Variants in SLC12A8 observed in about 807,000 individuals in gnomAD.
SLC12A8 encodes the protein cation-chloride cotransporter 9.
A neutral mutation model predicts 75.6 loss-of-function variants in SLC12A8; 69 were observed. The observed-to-expected ratio is 0.91, with a 90% CI of 0.75 to 1.11. SLC12A8 has a LOEUF of 1.11. SLC12A8 is among the 50% of genes most tolerant of loss of function. The pLI is 0.00. For synonymous variants in SLC12A8, 365 were observed against 372.8 expected, an observed-to-expected ratio of 0.98 and a Z score of 0.24; for missense variants, 877 against 896.7, an observed-to-expected ratio of 0.98 and a Z score of 0.28.
intron 3 of SLC12A8, among the ~76,000 whole-genome samples, chr3:125,189,802 T>C (rs890424689): frequency 6.6e-6 from 1 of 152,130 alleles, no homozygotes; most frequent in Non-Finnish European, 1.5e-5. Context: ...GCTTGGAAGG[T>C]CCTAGGATGC....
intron 5 of SLC12A8, among the ~76,000 whole-genome samples, chr3:125,155,965 C>T (rs9866321): frequency 6.6e-6 from 1 of 151,928 alleles, no homozygotes; most frequent in Non-Finnish European, 1.5e-5. Flanking sequence ...ACCGTATGCT[C>T]AGGGTGAAAG....
At chr3:125,132,032 C>G (rs1395966900) in intron 6 of SLC12A8, among the ~76,000 whole-genome samples, 7 of 152,158 alleles carry the variant, frequency 4.6e-5, no homozygotes. Context: ...AGAGGCAGCA[C>G]AAACCTGAAA....
chr3:125,179,723 GA>G (rs1934611897), intron 4 of SLC12A8, among the ~76,000 whole-genome samples: 1 of 151,720 alleles, frequency 6.6e-6, no homozygotes, highest in African/African-American at 2.4e-5. Flanking sequence ...GAGAGAGAGA[GA>G]GAGAGAGAAA....
intron 13 of SLC12A8, 160 bp downstream of exon 13, chr3:125,088,150 T>C: frequency 1.6e-6 from 1 of 630,824 alleles, no homozygotes; most frequent in East Asian, 2.8e-5. Context: ...TGTGGTGGAG[T>C]GCACGCAGGA....
intron 6 of SLC12A8, among the ~76,000 whole-genome samples, chr3:125,129,064 C>T (rs1280178959): frequency 6.6e-6 from 1 of 152,226 alleles, no homozygotes; most frequent in African/African-American, 2.4e-5. Context: ...TCAGTAAAGG[C>T]TGTAGGTTTC....
At chr3:125,150,070 T>C (rs565854135) in intron 5 of SLC12A8, among the ~76,000 whole-genome samples, 1 of 152,340 alleles carries the variant, frequency 6.6e-6, no homozygotes, top group East Asian at 1.9e-4. Context: ...CTTATTTACA[T>C]ACAATTTTGC....
chr3:125,151,683 C>T (rs1031772314), intron 5 of SLC12A8: 2 of 152,238 alleles, frequency 1.3e-5, no homozygotes, highest in Non-Finnish European at 2.9e-5. Flanking sequence ...AGGATGACCA[C>T]GATAACAAGA....
At chr3:125,120,004 T>TG (rs1337770046) in intron 7 of SLC12A8, 2 of 416,334 alleles carry the variant, frequency 4.8e-6, no homozygotes, top group Non-Finnish European at 9.7e-6. Flanking sequence ...CCTGACGGCC[T>TG]GGGGGAGCTG....
chr3:125,160,821 T>C (rs1278539557), intron 5 of SLC12A8, among the ~76,000 whole-genome samples: 1 of 148,144 alleles, frequency 6.8e-6, no homozygotes, highest in African/African-American at 2.5e-5. Flanking sequence ...GGTGGTCACA[T>C]GGGACTCGGA....
chr3:125,083,891 T>C lies in SLC12A8; in HGVS notation c.2144A>G (p.Ter715TrpextTer30), dbSNP rs1291632768. ...VNREQLMPHY* is the reference protein window; with the variant it reads ...VNREQLMPHYW ...AAGAGGAAGGTCCCAGCACTGCATC[T>C]AGTAGTGAGGCATCAGCTGCTCCCG... Residue 715 changes from the stop codon to tryptophan (W), a stop_lost, in exon 14 of 14, where the codon TAG (stop) becomes TGG (tryptophan). Transcript: ENST00000469902. 6.2e-7 allele frequency: 1 copy of C among 1,611,804 alleles called. No individual in the cohort carries two copies. The highest frequency in any genetic ancestry group is 2.2e-5 in the East Asian group (1 of 44,820).
intron 5 of SLC12A8, among the ~76,000 whole-genome samples, chr3:125,135,984 C>G (rs190123452): frequency 6.6e-6 from 1 of 152,242 alleles, no homozygotes; most frequent in Admixed American, 6.5e-5. Flanking sequence ...ATCCCATAGA[C>G]ACAGATGGAT....
intron 2 of SLC12A8, among the ~76,000 whole-genome samples, chr3:125,193,827 G>A (rs1315307967): frequency 1.3e-5 from 2 of 152,130 alleles, no homozygotes; most frequent in Non-Finnish European, 2.9e-5. Flanking sequence ...AGGAGGGGGT[G>A]GAAGCGCTGG....
chr3:125,092,852 TG>T (rs1460581673), intron 10 of SLC12A8, among the ~76,000 whole-genome samples: 1 of 152,220 alleles, frequency 6.6e-6, no homozygotes, highest in Non-Finnish European at 1.5e-5. Context: ...AGTTTACAGC[TG>T]GCTCCAGAAG....
chr3:125,212,118 G>C (rs1935348245), intron 1 of SLC12A8, among the ~76,000 whole-genome samples: 1 of 152,102 alleles, frequency 6.6e-6, no homozygotes, highest in South Asian at 2.1e-4. Flanking sequence ...AGAGAGCGAG[G>C]GGGAGGGTTA....
chr3:125,155,134 A>G (rs1226468620), intron 5 of SLC12A8: 1 of 152,090 alleles, frequency 6.6e-6, no homozygotes, highest in Admixed American at 6.5e-5. Flanking sequence ...TCCATTTAGT[A>G]TTTTCGGACT....
intron 5 of SLC12A8, among the ~76,000 whole-genome samples, chr3:125,141,009 T>C (rs1933617314): frequency 6.6e-6 from 1 of 152,234 alleles, no homozygotes; most frequent in Admixed American, 6.5e-5. Flanking sequence ...ATCTGACATC[T>C]TTCAACTCTC....
chr3:125,179,752 T>G (rs2107789608), intron 4 of SLC12A8, among the ~76,000 whole-genome samples: 1 of 151,904 alleles, frequency 6.6e-6, no homozygotes, highest in African/African-American at 2.4e-5. Context: ...ACAGAGAGAC[T>G]AATGTTTTCC....
chr3:125,193,527 C>T (rs1321465155), intron 2 of SLC12A8, among the ~76,000 whole-genome samples: 4 of 152,272 alleles, frequency 2.6e-5, no homozygotes, highest in Admixed American at 1.3e-4. Context: ...TCCCTTGCGT[C>T]GTGAGAGCTC....
At chr3:125,135,624 G>T (rs1286907551) in intron 6 of SLC12A8, 45 bp downstream of exon 6, 1 of 1,300,480 alleles carries the variant, frequency 7.7e-7, no homozygotes, top group East Asian at 2.4e-5. Context: ...AACCAAGAAT[G>T]TATACCCCTA....
Sources: gnomAD v4.1 joint callset for allele counts (sites outside exome capture counted in the v4.1 genomes callset) on GRCh38, gnomAD v4.1.1 for gene constraint, MANE v1.5 for transcripts, NCBI Gene and HGNC (gene_info 2026-07-23, HGNC 2026-07-21) for gene names.